Variants in LRRC27 observed in about 807,000 individuals in gnomAD.
The protein encoded by LRRC27 is leucine-rich repeat-containing protein 27.
In LRRC27, 57 loss-of-function variants were observed where a neutral mutation model predicts 55.0. The ratio of observed to expected loss-of-function variants is 1.04; its 90% confidence interval spans 0.84 to 1.29. LRRC27 has a LOEUF of 1.29. Among genes scored for constraint, LRRC27 ranks in the 50% most tolerant of loss-of-function variants. LRRC27 has a pLI of 0.00. For synonymous variants in LRRC27, 278 were observed against 251.9 expected (o/e 1.10, Z -0.98); for missense variants, 721 against 651.5 (o/e 1.11, Z -1.16).
At chr10:132,361,946 G>A (rs925021885) in intron 9 of LRRC27, among the ~76,000 whole-genome samples, 1 of 152,002 alleles carries the variant, frequency 6.6e-6, no homozygotes, top group Non-Finnish European at 1.5e-5. Flanking sequence ...CACCGCCGCT[G>A]CCTCCCCAGG....
chr10:132,356,733 T>C (rs2132999121), intron 8 of LRRC27, among the ~76,000 whole-genome samples: 1 of 152,364 alleles, frequency 6.6e-6, no homozygotes, highest in African/African-American at 2.4e-5. Flanking sequence ...CACAGGGCAG[T>C]GGGCACAGAG....
rs1225615638 is a variant in LRRC27, at chr10:132,333,563, T to C, written c.39T>C (p.Ala13=). Residue 13 remains alanine, a synonymous_variant, in exon 2 of 11, where the codon GCT becomes GCC. Coordinates refer to ENST00000368614, the MANE Select transcript of LRRC27 (RefSeq NM_030626.3). ...GCTCCTACGAAGTTCCCTCTGTGGC[T>C]GCTGCTGATCTGGAGGAGGGTGCTG... ...GSSSYEVPSV[A]AADLEEGAGQ... The C allele has an allele frequency of 1.9e-6, 3 of 1,610,688 alleles. No individual in the cohort carries two copies. Among genetic ancestry groups the C allele is most frequent in the Non-Finnish European group, 2.5e-6 (3 of 1,179,076 alleles).
chr10:132,353,089 G>T (rs1236582515), intron 7 of LRRC27: 1 of 1,510,624 alleles, frequency 6.6e-7, no homozygotes. Context: ...AGTCCGGCTG[G>T]CATGGACCAC....
chr10:132,371,938 G>A (rs2069226366), intron 10 of LRRC27, among the ~76,000 whole-genome samples: 1 of 152,248 alleles, frequency 6.6e-6, no homozygotes, highest in Admixed American at 6.5e-5. Flanking sequence ...GGGCTGGCAG[G>A]TGAGCCCTTG....
chr10:132,373,768 C>A (rs1397834391), intron 10 of LRRC27, among the ~76,000 whole-genome samples: 1 of 152,144 alleles, frequency 6.6e-6, no homozygotes, highest in African/African-American at 2.4e-5. Context: ...GTGAGAGGAG[C>A]CTGGCGGGGT....
In LRRC27 at chr10:132,375,294, T is replaced by G. The variant is rs1396044996; in HGVS notation, c.*52T>G. On this transcript the variant is annotated 3_prime_UTR_variant, in exon 11 of 11. Coordinates refer to ENST00000368614, the MANE Select transcript of LRRC27 (RefSeq NM_030626.3). ...GTCTTCAGACAGGAGCCGCTCAGTC[T>G]TCTTTCCCGGGCGTCGCCTCCTGTG... The G allele has an allele frequency of 6.5e-7, 1 of 1,544,648 alleles. No individual in the cohort carries two copies. Among genetic ancestry groups the G allele is most frequent in the Non-Finnish European group, 8.8e-7 (1 of 1,138,010 alleles).
chr10:132,358,816 A>G (rs2068454129), intron 8 of LRRC27, among the ~76,000 whole-genome samples: 1 of 30,520 alleles, frequency 3.3e-5, no homozygotes, highest in Non-Finnish European at 5.1e-5. Context: ...GAGGTGGTGG[A>G]GCGTGGGAAG....
intron 4 of LRRC27, among the ~76,000 whole-genome samples, chr10:132,343,408 C>T (rs191414473): frequency 1.3e-5 from 2 of 152,284 alleles, no homozygotes; most frequent in African/African-American, 2.4e-5. Flanking sequence ...ATGGCTGGAA[C>T]CCTTACACAG....
rs187971654 is a variant in LRRC27, at chr10:132,379,823, G to C, written c.*4581G>C. 1.7e-3 allele frequency: 263 copies of C among 152,266 alleles called. No homozygotes were observed. Among genetic ancestry groups the C allele is most frequent in the Non-Finnish European group, 3.2e-3 (216 of 68,096 alleles). The allele number at this position is 152,266 out of a possible 1,614,324, so 9.4% of individuals were successfully genotyped here. On this transcript the variant is annotated 3_prime_UTR_variant, in exon 11 of 11. Transcript: ENST00000368614. ...TTGAATTATAAGGGTCCACTTATAA[G>C]TGGATTTTTAAAAAAATATATATTG...
rs1011874920 is a variant in LRRC27 at position 132,355,891 on chromosome 10, G to A, written c.1170+5G>A. 1.3e-5 allele frequency: 20 copies of A among 1,547,820 alleles called. No individual in the cohort carries two copies. Among genetic ancestry groups the A allele is most frequent in the African/African-American group, 1.1e-4 (8 of 72,986 alleles). The stretch of plus-strand genomic sequence containing the variant: ...CTGCCTCCGCGGAGGAGCATGGTAC[G>A]GCACGCGCGGGCGGTGACCGGGCAC... On this transcript the variant is annotated splice_donor_5th_base_variant and intron_variant, in intron 8 of 10. Transcript: ENST00000368614.
Position 132,364,687 on chromosome 10 carries a change from C to T in LRRC27, c.1290-737C>T, listed in dbSNP as rs1171355764. The stretch of plus-strand genomic sequence containing the variant: ...ACCTGCACACCCACGCTTACACCCA[C>T]GTCCACACCGTGGGGCCCCACACTC... On this transcript the variant is annotated intron_variant, in intron 9 of 10. Coordinates refer to ENST00000368614, the MANE Select transcript of LRRC27 (RefSeq NM_030626.3). 3.0e-5 allele frequency among the ~76,000 whole-genome samples: 2 copies of T among 67,488 alleles called. 1 individual carries two copies. Among genetic ancestry groups the T allele is most frequent in the African/African-American group, 9.0e-5 (2 of 22,318 alleles). The allele number at this position is 67,488 out of a possible 152,430, so 44.3% of individuals were successfully genotyped here.
intron 8 of LRRC27, among the ~76,000 whole-genome samples, chr10:132,359,383 C>T (rs1327108657): frequency 1.3e-5 from 2 of 152,200 alleles, no homozygotes; most frequent in Non-Finnish European, 1.5e-5. Flanking sequence ...ACTCCAGTTT[C>T]CATGTCCATA....
intron 7 of LRRC27, among the ~76,000 whole-genome samples, chr10:132,355,292 G>A (rs930551982): frequency 2.0e-5 from 3 of 152,316 alleles, no homozygotes; most frequent in Non-Finnish European, 2.9e-5. Flanking sequence ...AGCCAGGATG[G>A]TCTCGATCTC....
chr10:132,371,754 C>T (rs567531819), intron 10 of LRRC27, among the ~76,000 whole-genome samples: 1 of 152,368 alleles, frequency 6.6e-6, no homozygotes, highest in South Asian at 2.1e-4. Flanking sequence ...GCTTTGTCCC[C>T]TCCCTTCCTG....
rs553073478 is a variant in LRRC27 at position 132,355,854 on chromosome 10, C to A, written c.1138C>A (p.Leu380Ile). 36 of 1,557,842 alleles carry A rather than the reference C, an allele frequency of 2.3e-5. No homozygotes were observed. The highest frequency in any genetic ancestry group is 3.1e-5 in the Non-Finnish European group (36 of 1,150,684). ...AQRMRKRKEE[L>I]SKLLPPRRSM... The stretch of plus-strand genomic sequence containing the variant: ...GAGGATGAGGAAGAGGAAGGAAGAG[C>A]TCAGCAAACTCCTGCCTCCGCGGAG... Residue 380 changes from leucine to isoleucine, a missense_variant, in exon 8 of 11, where the codon CTC (leucine) becomes ATC (isoleucine). Coordinates refer to ENST00000368614, the MANE Select transcript of LRRC27 (RefSeq NM_030626.3).
chr10:132,354,303 C>T (rs1401480307), intron 7 of LRRC27, among the ~76,000 whole-genome samples: 3 of 152,180 alleles, frequency 2.0e-5, no homozygotes, highest in South Asian at 2.1e-4. Context: ...GTGAGCAGCT[C>T]GGCAGGCCTA....
intron 10 of LRRC27, among the ~76,000 whole-genome samples, chr10:132,370,580 C>T (rs2069189722): frequency 6.6e-6 from 1 of 152,214 alleles, no homozygotes; most frequent in African/African-American, 2.4e-5. Context: ...CATCCTTCTC[C>T]TCTGTCCCGC....
intron 10 of LRRC27, 99 bp downstream of exon 10, chr10:132,365,649 T>C: frequency 7.0e-7 from 1 of 1,419,468 alleles, no homozygotes. Flanking sequence ...TCACCCAGGC[T>C]GGAGTGCGGT....
At chr10:132,363,963 C>A (rs1178447187) in intron 9 of LRRC27, among the ~76,000 whole-genome samples, 4 of 152,146 alleles carry the variant, frequency 2.6e-5, no homozygotes, top group African/African-American at 7.2e-5. Flanking sequence ...TAGACTAAAA[C>A]CATTTCGTCT....
Sources: gnomAD v4.1 joint callset for allele counts (sites outside exome capture counted in the v4.1 genomes callset) on GRCh38, gnomAD v4.1.1 for gene constraint, MANE v1.5 for transcripts, NCBI Gene and HGNC (gene_info 2026-07-23, HGNC 2026-07-21) for gene names.